APBB2: variants seen among roughly 807,000 people sequenced by gnomAD.
APBB2 encodes the protein amyloid beta precursor protein binding family B member 2.
Under a neutral mutation model 82.5 loss-of-function variants are expected in APBB2, and 38 were observed. The ratio of observed to expected loss-of-function variants is 0.46; its 90% confidence interval spans 0.36 to 0.60. The LOEUF (loss-of-function observed/expected upper bound fraction) is 0.60, where lower values mean the gene tolerates loss of function less well. Ranked by LOEUF, APBB2 falls within the 20% of genes least tolerant of loss-of-function variation. The pLI, the probability that APBB2 is intolerant of heterozygous loss-of-function variation, is 0.00. For synonymous variants in APBB2, 341 were observed against 368.2 expected, an observed-to-expected ratio of 0.93 and a Z score of 0.85; for missense variants, 772 against 972.3, an observed-to-expected ratio of 0.79 and a Z score of 2.74.
intron 3 of APBB2, among the ~76,000 whole-genome samples, chr4:41,093,009 T>C (rs1416811683): frequency 6.6e-6 from 1 of 152,176 alleles, no homozygotes; most frequent in African/African-American, 2.4e-5. Context: ...ACGAGAGCTA[T>C]TTAGAGGCCC....
rs1777216688 is a variant in APBB2 at position 40,907,373 on chromosome 4, ATATATATT to A, written c.1255-13970_1255-13963del. On this transcript the variant is annotated intron_variant, in intron 10 of 17. Coordinates refer to ENST00000508593, the MANE Select transcript of APBB2 (RefSeq NM_004307.2). ...CATATATATATATATATATATATAT[ATATATATT>A]TTTTTTTTTTTTTTTTTTTAGACAG... Among the ~76,000 whole-genome samples, 33 of 37,408 alleles carry A rather than the reference ATATATATT, an allele frequency of 8.8e-4. No individual in the cohort carries two copies. The South Asian group carries it at 0.012, about 13-fold the overall frequency. 24.5% of individuals were successfully genotyped at this position (37,408 alleles called of 152,430 possible).
At chr4:40,973,964 G>T (rs1163050193) in intron 6 of APBB2, among the ~76,000 whole-genome samples, 2 of 151,464 alleles carry the variant, frequency 1.3e-5, no homozygotes, top group Non-Finnish European at 2.9e-5. Flanking sequence ...CAATTATCCT[G>T]CCTCAGCCTT....
chr4:41,099,874 T>G (rs1744777204), intron 3 of APBB2, among the ~76,000 whole-genome samples: 1 of 152,198 alleles, frequency 6.6e-6, no homozygotes, highest in Admixed American at 6.5e-5. Flanking sequence ...TTTCTGTGCG[T>G]GCACGTGCAT....
chr4:40,835,599 C>T (rs764175008), intron 12 of APBB2, among the ~76,000 whole-genome samples: 2 of 152,226 alleles, frequency 1.3e-5, no homozygotes, highest in African/African-American at 2.4e-5. Context: ...TCAGGTGCCG[C>T]TGCAGGGGTG....
At chr4:41,151,530 T>C (rs923407122) in intron 1 of APBB2, among the ~76,000 whole-genome samples, 19 of 152,266 alleles carry the variant, frequency 1.2e-4, no homozygotes, top group African/African-American at 4.6e-4. Flanking sequence ...TCCGGAAGTA[T>C]ATCCTTTAAG....
chr4:41,123,233 G>T (rs559456727), intron 2 of APBB2, among the ~76,000 whole-genome samples: 3 of 151,920 alleles, frequency 2.0e-5, no homozygotes, highest in South Asian at 4.2e-4. Flanking sequence ...ACCATTCATC[G>T]TCACTGGCTG....
At chr4:40,918,455 CACT>C (rs1440463784) in intron 10 of APBB2, among the ~76,000 whole-genome samples, 2 of 152,228 alleles carry the variant, frequency 1.3e-5, no homozygotes, top group African/African-American at 4.8e-5. Context: ...GTTTTATAGG[CACT>C]ACACTATTTA....
chr4:41,142,661 C>T (rs1759586800), intron 2 of APBB2, among the ~76,000 whole-genome samples: 2 of 152,194 alleles, frequency 1.3e-5, no homozygotes, highest in Admixed American at 6.5e-5. Context: ...AAAGCCAAGA[C>T]CATTGAAGTT....
intron 5 of APBB2, among the ~76,000 whole-genome samples, chr4:41,023,795 C>G (rs1337458914): frequency 3.9e-5 from 6 of 152,178 alleles, no homozygotes; most frequent in Admixed American, 3.9e-4. Flanking sequence ...TCCTATCAAA[C>G]TATCGACATT....
chr4:41,045,574 G>A (rs1383784442), intron 4 of APBB2, among the ~76,000 whole-genome samples: 1 of 152,184 alleles, frequency 6.6e-6, no homozygotes, highest in Non-Finnish European at 1.5e-5. Flanking sequence ...TTACAGGTGT[G>A]AGCCACCGTG....
intron 2 of APBB2, among the ~76,000 whole-genome samples, chr4:41,134,365 G>A (rs1042075275): frequency 1.3e-5 from 2 of 152,064 alleles, no homozygotes; most frequent in Non-Finnish European, 1.5e-5. Flanking sequence ...TGATCACAAG[G>A]TCAGGAGATG....
chr4:41,086,651 A>C (rs999411564), intron 3 of APBB2, among the ~76,000 whole-genome samples: 4 of 152,236 alleles, frequency 2.6e-5, no homozygotes, highest in Non-Finnish European at 5.9e-5. Flanking sequence ...AATTAGGAAC[A>C]GAAGGAAACT....
At position 40,927,027 on chromosome 4, in the gene APBB2, C is replaced by T. The variant is rs545599055; in HGVS notation, c.1254+7429G>A. Among the ~76,000 whole-genome samples, 245 of 152,310 alleles carry T rather than the reference C, an allele frequency of 1.6e-3. 2 individuals are homozygous for T. Among genetic ancestry groups the T allele is most frequent in the African/African-American group, 5.6e-3 (234 of 41,578 alleles). On this transcript the variant is annotated intron_variant, in intron 10 of 17. Coordinates refer to ENST00000508593, the MANE Select transcript of APBB2 (RefSeq NM_004307.2). ...TCCTTCTCCAGACTTAAATACAGAT[C>T]AGACTATTTCATCTCCAGATGCCAC...
chr4:40,848,488 C>T (rs971209849), intron 12 of APBB2, among the ~76,000 whole-genome samples: 2 of 152,210 alleles, frequency 1.3e-5, no homozygotes, highest in Non-Finnish European at 2.9e-5. Flanking sequence ...CTGAGCCTGG[C>T]TCCCTCCCAG....
intron 10 of APBB2, among the ~76,000 whole-genome samples, chr4:40,921,262 C>T (rs1781194031): frequency 6.6e-6 from 1 of 152,206 alleles, no homozygotes; most frequent in African/African-American, 2.4e-5. Context: ...CGGGGAAGAA[C>T]ACAGGCCTTA....
chr4:40,847,917 C>T lies in APBB2; in HGVS notation c.1530-17340G>A, dbSNP rs111646281. 3.4e-3 allele frequency among the ~76,000 whole-genome samples: 520 copies of T among 152,108 alleles called. 6 individuals carry two copies. Among genetic ancestry groups the T allele is most frequent in the African/African-American group, 0.012 (491 of 41,486 alleles). ...AAACTACTTGGCTCAAGCAATCCTCCGGCCTCAACCTCCCAAGTAGCGGGG... is the reference window on the plus strand; with the variant it reads ...AAACTACTTGGCTCAAGCAATCCTCTGGCCTCAACCTCCCAAGTAGCGGGG... On this transcript the variant is annotated intron_variant, in intron 12 of 17. Coordinates refer to ENST00000508593, the MANE Select transcript of APBB2 (RefSeq NM_004307.2).
At chr4:41,153,322 G>A (rs1360622710) in intron 1 of APBB2, among the ~76,000 whole-genome samples, 1 of 152,188 alleles carries the variant, frequency 6.6e-6, no homozygotes, top group Non-Finnish European at 1.5e-5. Context: ...GTGGAAAAGT[G>A]TGTTATTCAG....
intron 3 of APBB2, among the ~76,000 whole-genome samples, chr4:41,084,958 C>T (rs1444782764): frequency 6.6e-6 from 1 of 152,000 alleles, no homozygotes; most frequent in Non-Finnish European, 1.5e-5. Flanking sequence ...GAAAATAAGA[C>T]TGAGACTGCC....
At chr4:41,063,338 T>C (rs759320535) in intron 4 of APBB2, among the ~76,000 whole-genome samples, 1 of 152,228 alleles carries the variant, frequency 6.6e-6, no homozygotes, top group Non-Finnish European at 1.5e-5. Context: ...CCTCAGCTCC[T>C]ATAAAAATAA....
Sources: allele counts gnomAD v4.1 joint callset (sites outside exome capture counted in the v4.1 genomes callset), GRCh38; gene constraint gnomAD v4.1.1; transcripts MANE v1.5; gene names NCBI Gene and HGNC (gene_info 2026-07-23, HGNC 2026-07-21).